The following MCTP1 variants were observed in gnomAD, a reference collection of about 807,000 sequenced individuals.
MCTP1 encodes the protein multiple C2 and transmembrane domain containing 1, also known as multiple C2 and transmembrane domain-containing protein 1.
Under a neutral mutation model 120.6 loss-of-function variants are expected in MCTP1, and 69 were observed. The ratio of observed to expected loss-of-function variants is 0.57; its 90% CI spans 0.47 to 0.70. The LOEUF (loss-of-function observed/expected upper bound fraction) is 0.70. MCTP1 is among the 30% of genes least tolerant of loss of function. The pLI, the probability that MCTP1 is intolerant of heterozygous loss-of-function variation, is 0.00. For synonymous variants in MCTP1, 529 were observed against 493.1 expected, an observed-to-expected ratio of 1.07 and a Z score of -0.96; for missense variants, 1,203 against 1,248.8, an observed-to-expected ratio of 0.96 and a Z score of 0.55.
chr5:95,051,160 CA>C (rs1189752689), intron 1 of MCTP1, among the ~76,000 whole-genome samples: 1 of 152,166 alleles, frequency 6.6e-6, no homozygotes, highest in East Asian at 1.9e-4. Context: ...CTGATATATA[CA>C]ACAAGTCAGC....
chr5:94,899,981 C>T (rs1581248585), intron 10 of MCTP1, among the ~76,000 whole-genome samples: 1 of 152,190 alleles, frequency 6.6e-6, no homozygotes, highest in Non-Finnish European at 1.5e-5. Context: ...GTCCAACCCT[C>T]TCTGTATGGA....
chr5:95,275,048 A>T (rs1017649970), intron 1 of MCTP1, among the ~76,000 whole-genome samples: 10 of 152,008 alleles, frequency 6.6e-5, no homozygotes, highest in South Asian at 6.2e-4. Context: ...AGTTTGTAAA[A>T]TGTATTGACG....
At chr5:95,013,278 G>A (rs1314769145) in intron 2 of MCTP1, among the ~76,000 whole-genome samples, 1 of 152,130 alleles carries the variant, frequency 6.6e-6, no homozygotes, top group Non-Finnish European at 1.5e-5. Context: ...CCATCTCTAT[G>A]ACATGAAAGA....
At chr5:95,164,673 A>G (rs140084157) in intron 1 of MCTP1, among the ~76,000 whole-genome samples, 2,487 of 152,312 alleles carry the variant, frequency 0.016, 22 homozygotes, top group Middle Eastern at 0.027. Context: ...AACATACACT[A>G]TATGTTAAAA....
At chr5:94,934,075 CTT>C (rs1043330342) in intron 5 of MCTP1, among the ~76,000 whole-genome samples, 23 of 151,944 alleles carry the variant, frequency 1.5e-4, no homozygotes, top group Middle Eastern at 3.4e-3. Flanking sequence ...ATTTCTGCCT[CTT>C]GAGCCAAATC....
intron 18 of MCTP1, 52 bp downstream of exon 18, chr5:94,798,960 AG>A (rs1247760023): frequency 6.4e-7 from 1 of 1,568,578 alleles, no homozygotes; most frequent in African/African-American, 1.4e-5. Flanking sequence ...ATCTTGTCAG[AG>A]GGACTCAGAA....
At chr5:94,965,203 A>G (rs1825296913) in intron 2 of MCTP1, among the ~76,000 whole-genome samples, 3 of 152,198 alleles carry the variant, frequency 2.0e-5, no homozygotes. Context: ...TTTCTGAAGG[A>G]AAGACTTTCT....
At position 94,819,135 on chromosome 5, in the gene MCTP1, T is replaced by TTCA. The variant is rs1561688535; in HGVS notation, c.2437-20004_2437-20003insTGA. Among the ~76,000 whole-genome samples, 368 of 81,090 alleles carry TTCA rather than the reference T, an allele frequency of 4.5e-3. 3 individuals are homozygous for TTCA. The highest frequency in any genetic ancestry group is 0.012 in the African/African-American group (356 of 28,528). The allele number at this position is 81,090 out of a possible 152,430, so 53.2% of individuals were successfully genotyped here. On this transcript the variant is annotated intron_variant, in intron 17 of 22. Coordinates refer to ENST00000515393, the MANE Select transcript of MCTP1 (RefSeq NM_024717.7). The stretch of plus-strand genomic sequence containing the variant: ...TATTTATTTATTCATTCATTCATTC[T>TTCA]TTCATTCATTCGAGATGGAGTCTCA...
intron 1 of MCTP1, chr5:95,068,875 A>G (rs906129681): frequency 2.7e-6 from 3 of 1,105,618 alleles, no homozygotes; most frequent in Non-Finnish European, 3.5e-6. Context: ...GTACCTAGGG[A>G]CATTATTTAA....
chr5:95,196,600 A>C (rs1380345392), intron 1 of MCTP1, among the ~76,000 whole-genome samples: 1 of 152,242 alleles, frequency 6.6e-6, no homozygotes, highest in African/African-American at 2.4e-5. Flanking sequence ...AATCCATAAC[A>C]GTACGAAGAA....
At chr5:94,963,795 T>C (rs997597521) in intron 2 of MCTP1, among the ~76,000 whole-genome samples, 2 of 152,172 alleles carry the variant, frequency 1.3e-5, no homozygotes, top group Admixed American at 6.5e-5. Flanking sequence ...TTTCCTTTGC[T>C]ACACAAAAGC....
chr5:95,277,384 G>A (rs1195393506), intron 1 of MCTP1, among the ~76,000 whole-genome samples: 2 of 152,216 alleles, frequency 1.3e-5, no homozygotes, highest in African/African-American at 4.8e-5. Context: ...GCTACCAGCT[G>A]GTGGAAGAGG....
At chr5:95,135,109 C>T (rs867358683) in intron 1 of MCTP1, among the ~76,000 whole-genome samples, 2 of 141,506 alleles carry the variant, frequency 1.4e-5, no homozygotes, top group Non-Finnish European at 3.0e-5. Context: ...TTCACTAGAT[C>T]AGGCATAGTT....
intron 17 of MCTP1, among the ~76,000 whole-genome samples, chr5:94,862,484 A>C (rs1250779853): frequency 6.6e-6 from 1 of 151,852 alleles, no homozygotes; most frequent in East Asian, 1.9e-4. Flanking sequence ...ATACAAAAAC[A>C]AAACAAAAAT....
At chr5:95,146,605 A>AT (rs529159619) in intron 1 of MCTP1, among the ~76,000 whole-genome samples, 45 of 152,078 alleles carry the variant, frequency 3.0e-4, no homozygotes, top group African/African-American at 7.7e-4. Flanking sequence ...AATTTTAAAG[A>AT]TTTTTTTTAA....
intron 19 of MCTP1, chr5:94,739,581 C>T (rs559632969): frequency 3.3e-5 from 5 of 152,246 alleles, no homozygotes; most frequent in African/African-American, 1.2e-4. Flanking sequence ...CATCTCAAAT[C>T]GCAATTTTAA....
intron 1 of MCTP1, among the ~76,000 whole-genome samples, chr5:95,282,210 G>A (rs1013421841): frequency 3.3e-5 from 5 of 152,098 alleles, no homozygotes; most frequent in Non-Finnish European, 1.5e-5. Flanking sequence ...TTACATAGTA[G>A]TGTTTTTTTT....
At chr5:94,844,984 TTAAAC>T (rs1349626757) in intron 17 of MCTP1, among the ~76,000 whole-genome samples, 1 of 152,146 alleles carries the variant, frequency 6.6e-6, no homozygotes, top group African/African-American at 2.4e-5. Context: ...TAGAACTTGA[TTAAAC>T]TAAAGAGCTT....
chr5:95,141,643 A>T (rs1034805800), intron 1 of MCTP1, among the ~76,000 whole-genome samples: 1 of 151,934 alleles, frequency 6.6e-6, no homozygotes, highest in Non-Finnish European at 1.5e-5. Context: ...GCTCATCTTC[A>T]TTGTCTTCTT....
Sources: gnomAD v4.1 joint callset for allele counts (sites outside exome capture counted in the v4.1 genomes callset) on GRCh38, gnomAD v4.1.1 for gene constraint, MANE v1.5 for transcripts, NCBI Gene and HGNC (gene_info 2026-07-23, HGNC 2026-07-21) for gene names.